Variants in RELN observed in about 807,000 individuals in gnomAD.
RELN encodes the protein reelin.
A neutral mutation model predicts 427.6 loss-of-function variants in RELN; 108 were observed. The ratio of observed to expected loss-of-function variants is 0.25; its 90% CI spans 0.22 to 0.30. The LOEUF (loss-of-function observed/expected upper bound fraction) is 0.30. RELN is among the 10% of genes least tolerant of loss of function. The pLI is 1.00. For synonymous variants in RELN, 1,524 were observed against 1,513.4 expected, an observed-to-expected ratio of 1.01 and a Z score of -0.16; for missense variants, 3,715 against 4,302.8, an observed-to-expected ratio of 0.86 and a Z score of 3.82.
intron 49 of RELN, among the ~76,000 whole-genome samples, chr7:103,518,892 TTAAAAA>T (rs1829636743): frequency 6.6e-6 from 1 of 152,200 alleles, no homozygotes; most frequent in Non-Finnish European, 1.5e-5. Context: ...AATAAGGAGT[TTAAAAA>T]TAATCTCTAG....
intron 28 of RELN, among the ~76,000 whole-genome samples, chr7:103,582,490 G>A (rs1470652910): frequency 6.6e-6 from 1 of 152,294 alleles, no homozygotes; most frequent in East Asian, 1.9e-4. Context: ...TTATGAGTTG[G>A]AGCCACTGAT....
At chr7:103,908,458 G>A (rs1795266731) in intron 2 of RELN, among the ~76,000 whole-genome samples, 1 of 152,106 alleles carries the variant, frequency 6.6e-6, no homozygotes, top group Non-Finnish European at 1.5e-5. Flanking sequence ...TAAGTATGTT[G>A]CTCAAGTTAG....
At chr7:103,776,707 C>T in intron 3 of RELN, 80 bp from the exon 4 acceptor site, 4 of 1,376,848 alleles carry the variant, frequency 2.9e-6, no homozygotes, top group Admixed American at 1.8e-5. Context: ...TTTTAAAAAG[C>T]TTATTCTTAA....
chr7:103,701,140 T>G, intron 8 of RELN, 134 bp from the exon 9 acceptor site: 4 of 677,166 alleles, frequency 5.9e-6, no homozygotes, highest in Non-Finnish European at 1.1e-5. Context: ...CTTCTAATGA[T>G]GCTGAAATCT....
At chr7:103,721,893 A>C (rs1255698173) in intron 8 of RELN, among the ~76,000 whole-genome samples, 1 of 152,208 alleles carries the variant, frequency 6.6e-6, no homozygotes, top group Non-Finnish European at 1.5e-5. Flanking sequence ...CAGTTAAAAA[A>C]ATTTGTTTTT....
At chr7:103,812,076 T>C (rs1350745247) in intron 3 of RELN, among the ~76,000 whole-genome samples, 1 of 152,224 alleles carries the variant, frequency 6.6e-6, no homozygotes, top group Non-Finnish European at 1.5e-5. Flanking sequence ...TGTTTTCTTA[T>C]GTGGATGAGA....
chr7:103,909,721 AAATATATTT>A (rs1795305482), intron 2 of RELN, among the ~76,000 whole-genome samples: 4 of 26,188 alleles, frequency 1.5e-4, no homozygotes, highest in African/African-American at 7.0e-4. Flanking sequence ...AATATATATT[AAATATATTT>A]TTTAATATAT....
At chr7:103,987,091 A>AAAAAAAAT (rs1404302664) in intron 1 of RELN, among the ~76,000 whole-genome samples, 1 of 147,036 alleles carries the variant, frequency 6.8e-6, no homozygotes, top group East Asian at 2.0e-4. Context: ...AAAAAAAAAA[A>AAAAAAAAT]CTCTTACTTT....
At chr7:103,846,339 C>T (rs1162886993) in intron 2 of RELN, among the ~76,000 whole-genome samples, 1 of 152,126 alleles carries the variant, frequency 6.6e-6, no homozygotes, top group Non-Finnish European at 1.5e-5. Context: ...TGATTCCCTA[C>T]TTAATAAATG....
chr7:103,860,841 C>G (rs1794056469), intron 2 of RELN, among the ~76,000 whole-genome samples: 1 of 152,144 alleles, frequency 6.6e-6, no homozygotes, highest in African/African-American at 2.4e-5. Context: ...TCAACTTCCT[C>G]CAAGTAATCA....
At chr7:103,606,988 T>C (rs1341678076) in intron 22 of RELN, among the ~76,000 whole-genome samples, 1 of 151,630 alleles carries the variant, frequency 6.6e-6, no homozygotes. Flanking sequence ...GTTTCATCCA[T>C]GTCCCTACAA....
At chr7:103,986,824 A>C (rs1173962008) in intron 1 of RELN, among the ~76,000 whole-genome samples, 3 of 152,070 alleles carry the variant, frequency 2.0e-5, no homozygotes, top group Admixed American at 6.6e-5. Flanking sequence ...GTTTAAGAAG[A>C]CTTCTTGGGC....
At chr7:103,734,778 A>G (rs545320988) in intron 6 of RELN, among the ~76,000 whole-genome samples, 1 of 152,312 alleles carries the variant, frequency 6.6e-6, no homozygotes, top group East Asian at 1.9e-4. Context: ...TTCCAATTCT[A>G]TAAAAACAAT....
chr7:103,636,094 CAAT>C, intron 18 of RELN, 138 bp downstream of exon 18: 2 of 703,722 alleles, frequency 2.8e-6, no homozygotes, highest in Admixed American at 4.4e-5. Context: ...AATTAACTCT[CAAT>C]AAACTGTAGG....
intron 57 of RELN, among the ~76,000 whole-genome samples, chr7:103,493,584 A>G (rs1828736367): frequency 6.6e-6 from 1 of 152,168 alleles, no homozygotes; most frequent in Admixed American, 6.5e-5. Context: ...GATTGGATAC[A>G]ATTCCTGATG....
chr7:103,586,659 C>T (rs550731101), intron 28 of RELN, among the ~76,000 whole-genome samples: 1 of 152,270 alleles, frequency 6.6e-6, no homozygotes, highest in African/African-American at 2.4e-5. Flanking sequence ...CAAAAAACTC[C>T]TAGACTTGAA....
rs201982015 is a variant in RELN, at chr7:103,500,808, C to G, written c.8604G>C (p.Arg2868Ser). Residue 2868 changes from arginine to serine, a missense_variant, in exon 53 of 65, where the codon AGG (arginine) becomes AGC (serine). Arg to Ser is a moderately radical substitution (Grantham distance 110). Transcript: ENST00000428762. ...DNCRGHGDCL[R>S]EQCICDPGYS... ...ATCCCGGATCACAGATGCACTGTTC[C>G]CTTAAGCAATCTCCATGGCCCCTGC... 2.5e-6 allele frequency: 4 copies of G among 1,613,990 alleles called. No individual in the cohort carries two copies. The Admixed American group carries it at 6.7e-5, about 27-fold the overall frequency.
chr7:103,615,163 G>A (rs757548324), intron 20 of RELN, among the ~76,000 whole-genome samples: 13 of 152,142 alleles, frequency 8.5e-5, no homozygotes, highest in Admixed American at 6.5e-5. Flanking sequence ...TTGCAAGGGT[G>A]CCTCAAAAAT....
intron 11 of RELN, among the ~76,000 whole-genome samples, chr7:103,677,674 G>A (rs180902847): frequency 3.6e-4 from 52 of 142,902 alleles, no homozygotes; most frequent in African/African-American, 1.3e-3. Flanking sequence ...GCTGAGAGAC[G>A]AGAATCACTG....
Sources: gnomAD v4.1 joint callset for allele counts (sites outside exome capture counted in the v4.1 genomes callset) on GRCh38, gnomAD v4.1.1 for gene constraint, MANE v1.5 for transcripts, NCBI Gene and HGNC (gene_info 2026-07-23, HGNC 2026-07-21) for gene names.